Variants in CCSER1 observed in about 807,000 individuals in gnomAD.
CCSER1 encodes the protein serine-rich coiled-coil domain-containing protein 1.
Under a neutral mutation model 82.0 loss-of-function variants are expected in CCSER1, and 41 were observed. That is an observed-to-expected ratio of 0.50 (90% CI 0.39 to 0.65). The LOEUF is 0.65. Among genes scored for constraint, CCSER1 ranks in the 30% least tolerant of loss-of-function variants. The pLI is 0.00. For missense variants in CCSER1, 1,119 were observed against 1,064.2 expected (o/e 1.05, Z -0.72); for synonymous variants, 414 against 383.9 (o/e 1.08, Z -0.92).
At chr4:91,387,120 T>C (rs1480485167) in intron 10 of CCSER1, among the ~76,000 whole-genome samples, 1 of 152,008 alleles carries the variant, frequency 6.6e-6, no homozygotes, top group Non-Finnish European at 1.5e-5. Flanking sequence ...TTTTCTGAAG[T>C]TGATAATGAA....
At chr4:90,563,205 G>T (rs1579178875) in intron 5 of CCSER1, among the ~76,000 whole-genome samples, 1 of 151,730 alleles carries the variant, frequency 6.6e-6, no homozygotes, top group Admixed American at 6.6e-5. Context: ...TCCGCCTCCC[G>T]GGTTGAAGCA....
At chr4:91,250,668 T>C (rs891160500) in intron 10 of CCSER1, among the ~76,000 whole-genome samples, 3 of 151,356 alleles carry the variant, frequency 2.0e-5, no homozygotes, top group African/African-American at 7.3e-5. Context: ...ATTTAAATGA[T>C]GCCTTTTTTT....
At chr4:90,159,699 A>G (rs1450401521) in intron 1 of CCSER1, among the ~76,000 whole-genome samples, 1 of 152,214 alleles carries the variant, frequency 6.6e-6, no homozygotes, top group Non-Finnish European at 1.5e-5. Flanking sequence ...ACATTGTTTT[A>G]CATTTCAGAC....
chr4:90,158,863 G>T (rs56348002), intron 1 of CCSER1, among the ~76,000 whole-genome samples: 42,962 of 151,838 alleles, frequency 0.28, 7,696 homozygotes, highest in East Asian at 0.65. Flanking sequence ...GCTTCGGCTC[G>T]CGCAGGGTGT....
intron 6 of CCSER1, among the ~76,000 whole-genome samples, chr4:90,662,725 T>TAAAGAGGG (rs1560905660): frequency 6.6e-6 from 1 of 152,160 alleles, no homozygotes; most frequent in Admixed American, 6.5e-5. Flanking sequence ...CTATTTTTGA[T>TAAAGAGGG]AAAGAGGGTG....
chr4:91,149,558 C>G (rs1347887274), intron 10 of CCSER1, among the ~76,000 whole-genome samples: 1 of 152,132 alleles, frequency 6.6e-6, no homozygotes, highest in South Asian at 2.1e-4. Flanking sequence ...TTGCCCATGC[C>G]TATGTCCTGA....
intron 10 of CCSER1, among the ~76,000 whole-genome samples, chr4:91,369,913 C>T (rs1445545690): frequency 2.0e-5 from 3 of 151,554 alleles, no homozygotes; most frequent in Non-Finnish European, 4.4e-5. Context: ...ACCTCTTGAC[C>T]TCATGATCCT....
At chr4:90,156,398 G>T (rs1728181309) in intron 1 of CCSER1, among the ~76,000 whole-genome samples, 1 of 152,150 alleles carries the variant, frequency 6.6e-6, no homozygotes, top group African/African-American at 2.4e-5. Flanking sequence ...TCCACTTCGT[G>T]CAGAGCTGAG....
At chr4:90,422,757 A>G (rs541100157) in intron 4 of CCSER1, among the ~76,000 whole-genome samples, 30 of 152,338 alleles carry the variant, frequency 2.0e-4, no homozygotes, top group Non-Finnish European at 3.2e-4. Flanking sequence ...TTTGGGTAAC[A>G]TTACAGAAGC....
At chr4:90,585,576 C>T (rs1781910151) in intron 5 of CCSER1, among the ~76,000 whole-genome samples, 1 of 152,246 alleles carries the variant, frequency 6.6e-6, no homozygotes, top group East Asian at 1.9e-4. Flanking sequence ...GTTACCTTTA[C>T]TTTGCCTATA....
At chr4:90,920,673 C>G (rs1728243301) in intron 8 of CCSER1, among the ~76,000 whole-genome samples, 1 of 151,790 alleles carries the variant, frequency 6.6e-6, no homozygotes, top group Admixed American at 6.6e-5. Flanking sequence ...ACACACACAC[C>G]TCGGGCTCTC....
chr4:90,791,562 C>T (rs1450475002), intron 7 of CCSER1, among the ~76,000 whole-genome samples: 3 of 151,598 alleles, frequency 2.0e-5, no homozygotes, highest in Non-Finnish European at 4.4e-5. Context: ...TAAAGATACA[C>T]ACTTTTAGCC....
intron 8 of CCSER1, among the ~76,000 whole-genome samples, chr4:90,868,253 A>T (rs574761531): frequency 4.6e-5 from 7 of 152,038 alleles, no homozygotes; most frequent in Non-Finnish European, 8.8e-5. Context: ...ATTAGTAACT[A>T]TAGTCACCCT....
chr4:90,254,593 A>T (rs1578773231), intron 1 of CCSER1, among the ~76,000 whole-genome samples: 1 of 152,174 alleles, frequency 6.6e-6, no homozygotes, highest in East Asian at 1.9e-4. Flanking sequence ...GCTGGGCAGG[A>T]TGAGAAAGGC....
intron 10 of CCSER1, among the ~76,000 whole-genome samples, chr4:91,485,789 T>C (rs1426145605): frequency 6.6e-6 from 1 of 152,136 alleles, no homozygotes; most frequent in Non-Finnish European, 1.5e-5. Context: ...GATTGTATCT[T>C]CTAATAGAGA....
intron 7 of CCSER1, among the ~76,000 whole-genome samples, chr4:90,801,109 T>C (rs1386284978): frequency 6.6e-6 from 1 of 152,168 alleles, no homozygotes; most frequent in Non-Finnish European, 1.5e-5. Flanking sequence ...GAACATAGTC[T>C]CATGGAACTT....
At chr4:91,086,615 C>A (rs1489304857) in intron 10 of CCSER1, among the ~76,000 whole-genome samples, 1 of 151,970 alleles carries the variant, frequency 6.6e-6, no homozygotes, top group Non-Finnish European at 1.5e-5. Context: ...TCAAAACATT[C>A]TAACTGCACA....
rs544010457 is a variant in CCSER1 at position 90,131,059 on chromosome 4, G to C, written c.-42+3228G>C. Among the ~76,000 whole-genome samples the C allele has an allele frequency of 4.6e-5, 7 of 152,154 alleles. No homozygotes were observed. In the South Asian group the frequency reaches 1.5e-3, roughly 32 times the overall value. On this transcript the variant is annotated intron_variant, in intron 1 of 10. Transcript: ENST00000509176. ...GTCGCCCAGGCTGGAGTGCAGTGGCGCAATCTCGGCTCACTGCAACCTCCG... is the reference window on the plus strand; with the variant it reads ...GTCGCCCAGGCTGGAGTGCAGTGGCCCAATCTCGGCTCACTGCAACCTCCG...
chr4:91,552,805 A>C (rs1762219333), intron 10 of CCSER1, among the ~76,000 whole-genome samples: 1 of 151,336 alleles, frequency 6.6e-6, no homozygotes, highest in African/African-American at 2.4e-5. Context: ...TCTATATATT[A>C]GATTCTATCA....
Sources: allele counts gnomAD v4.1 joint callset (sites outside exome capture counted in the v4.1 genomes callset), GRCh38; gene constraint gnomAD v4.1.1; transcripts MANE v1.5; gene names NCBI Gene and HGNC (gene_info 2026-07-23, HGNC 2026-07-21).